TCF7L1: variants seen among roughly 807,000 people sequenced by gnomAD.
TCF7L1 encodes transcription factor 7-like 1.
A neutral mutation model predicts 63.7 loss-of-function variants in TCF7L1; 18 were observed. That is an observed-to-expected ratio of 0.28 (90% confidence interval 0.20 to 0.42). The LOEUF (loss-of-function observed/expected upper bound fraction) is 0.42, where lower values mean the gene tolerates loss of function less well. TCF7L1 is among the 10% of genes least tolerant of loss of function. TCF7L1 has a pLI of 1.00. For missense variants in TCF7L1, 654 were observed against 779.3 expected (o/e 0.84, Z 1.91); for synonymous variants, 355 against 340.9 (o/e 1.04, Z -0.46).
chr2:85,146,304 C>G (rs945517155), intron 3 of TCF7L1, among the ~76,000 whole-genome samples: 2 of 152,070 alleles, frequency 1.3e-5, no homozygotes, highest in African/African-American at 2.4e-5. Context: ...AGCCAGCATT[C>G]CAGCTGTGGG....
At chr2:85,275,491 T>C (rs1681249957) in intron 3 of TCF7L1, among the ~76,000 whole-genome samples, 1 of 152,186 alleles carries the variant, frequency 6.6e-6, no homozygotes, top group South Asian at 2.1e-4. Flanking sequence ...TGACACACTC[T>C]TACTTTTGAG....
intron 7 of TCF7L1, among the ~76,000 whole-genome samples, chr2:85,304,672 A>T (rs1259103447): frequency 6.6e-6 from 1 of 152,156 alleles, no homozygotes; most frequent in Non-Finnish European, 1.5e-5. Flanking sequence ...GTACATTGAA[A>T]ACACAACTTT....
intron 3 of TCF7L1, among the ~76,000 whole-genome samples, chr2:85,220,275 G>A (rs901112684): frequency 6.6e-6 from 1 of 151,808 alleles, no homozygotes; most frequent in Non-Finnish European, 1.5e-5. Flanking sequence ...AAAGAGGTGG[G>A]GAGCTCTAGA....
chr2:85,308,236 C>T (rs896654231), intron 11 of TCF7L1, among the ~76,000 whole-genome samples: 6 of 152,160 alleles, frequency 3.9e-5, no homozygotes, highest in Non-Finnish European at 7.3e-5. Context: ...GATGCTCACA[C>T]TGTGACGATT....
intron 3 of TCF7L1, among the ~76,000 whole-genome samples, chr2:85,218,547 C>T (rs1235996614): frequency 4.6e-5 from 7 of 152,104 alleles, no homozygotes; most frequent in Admixed American, 2.0e-4. Flanking sequence ...TGAGCTACCA[C>T]GCCCAGCGTT....
chr2:85,175,407 G>C (rs1042361138), intron 3 of TCF7L1, among the ~76,000 whole-genome samples: 1 of 152,240 alleles, frequency 6.6e-6, no homozygotes, highest in African/African-American at 2.4e-5. Flanking sequence ...GATAGTAACA[G>C]GTGCCTGGCC....
chr2:85,156,800 T>C (rs1479191230), intron 3 of TCF7L1, among the ~76,000 whole-genome samples: 2 of 152,236 alleles, frequency 1.3e-5, no homozygotes, highest in Non-Finnish European at 2.9e-5. Context: ...TGCACATGTG[T>C]GCATGATGAA....
At chr2:85,195,926 G>A (rs1679145515) in intron 3 of TCF7L1, among the ~76,000 whole-genome samples, 1 of 152,178 alleles carries the variant, frequency 6.6e-6, no homozygotes, top group Non-Finnish European at 1.5e-5. Flanking sequence ...TTGAGCAGTA[G>A]GTATCAGCTG....
chr2:85,199,282 C>T (rs1245439051), intron 3 of TCF7L1, among the ~76,000 whole-genome samples: 5 of 152,110 alleles, frequency 3.3e-5, no homozygotes, highest in Admixed American at 2.6e-4. Flanking sequence ...ATTTAAGATT[C>T]TCTGTCTATA....
chr2:85,188,091 G>A (rs575374187), intron 3 of TCF7L1, among the ~76,000 whole-genome samples: 5 of 152,302 alleles, frequency 3.3e-5, no homozygotes, highest in East Asian at 1.9e-4. Flanking sequence ...AAATTATAGC[G>A]AGGGGGAACA....
intron 3 of TCF7L1, among the ~76,000 whole-genome samples, chr2:85,146,413 A>C (rs1677880059): frequency 6.6e-6 from 1 of 152,188 alleles, no homozygotes; most frequent in Non-Finnish European, 1.5e-5. Flanking sequence ...CAAGATTCAA[A>C]GAAATGGTGT....
chr2:85,285,736 T>C (rs1032394132), intron 4 of TCF7L1, among the ~76,000 whole-genome samples: 1 of 152,288 alleles, frequency 6.6e-6, no homozygotes, highest in Non-Finnish European at 1.5e-5. Flanking sequence ...CTCCCCCCAG[T>C]GCAGCCATCT....
At chr2:85,191,352 G>C (rs552890838) in intron 3 of TCF7L1, among the ~76,000 whole-genome samples, 2 of 152,300 alleles carry the variant, frequency 1.3e-5, no homozygotes, top group South Asian at 4.1e-4. Context: ...TCTTCTGTTA[G>C]GCACAGGTGC....
chr2:85,280,886 C>T (rs1287745397), intron 3 of TCF7L1, among the ~76,000 whole-genome samples: 2 of 152,094 alleles, frequency 1.3e-5, no homozygotes, highest in Non-Finnish European at 2.9e-5. Context: ...TTGAGGAAGA[C>T]AGTCTTAGGA....
At chr2:85,252,467 G>A (rs997874370) in intron 3 of TCF7L1, among the ~76,000 whole-genome samples, 1 of 152,038 alleles carries the variant, frequency 6.6e-6, no homozygotes, top group Non-Finnish European at 1.5e-5. Context: ...CCCAAGCCTC[G>A]GTGTGACCCA....
chr2:85,285,101 C>A (rs1051473168), intron 4 of TCF7L1, among the ~76,000 whole-genome samples: 1 of 152,022 alleles, frequency 6.6e-6, no homozygotes, highest in Non-Finnish European at 1.5e-5. Flanking sequence ...GGCGTGGTGG[C>A]GGGCGCCTGT....
chr2:85,151,369 T>C (rs182932039), intron 3 of TCF7L1, among the ~76,000 whole-genome samples: 60 of 152,344 alleles, frequency 3.9e-4, no homozygotes, highest in South Asian at 8.3e-4. Context: ...ATTTAGATTT[T>C]TGGTCAAGAT....
Position 85,134,312 on chromosome 2 carries a change from C to G in TCF7L1, c.314-11C>G, listed in dbSNP as rs367976556. 188 of 1,578,546 alleles carry G rather than the reference C, an allele frequency of 1.2e-4. No individual in the cohort carries two copies. Among genetic ancestry groups the G allele is most frequent in the Non-Finnish European group, 1.6e-4 (185 of 1,161,608 alleles). On this transcript the variant is annotated splice_polypyrimidine_tract_variant and intron_variant, in intron 2 of 11. Coordinates refer to ENST00000282111, the MANE Select transcript of TCF7L1 (RefSeq NM_031283.3). The surrounding 1 kb of genome is among the most constrained non-coding windows in gnomAD (Gnocchi z 5.0). ...GGCCTGGGCCTCACCTCGCCTTGGTCTTGTTCGCAGTGAGAAGGCCTCAGG... is the reference window on the plus strand; with the variant it reads ...GGCCTGGGCCTCACCTCGCCTTGGTGTTGTTCGCAGTGAGAAGGCCTCAGG...
intron 3 of TCF7L1, among the ~76,000 whole-genome samples, chr2:85,169,206 A>G (rs1395968029): frequency 6.6e-6 from 1 of 152,032 alleles, no homozygotes; most frequent in Non-Finnish European, 1.5e-5. Flanking sequence ...CCTTCTCATC[A>G]GTCCTTCATT....
Sources: gnomAD v4.1 joint callset for allele counts (sites outside exome capture counted in the v4.1 genomes callset) on GRCh38, gnomAD v4.1.1 for gene constraint, Gnocchi (gnomAD v3.1) non-coding constraint, MANE v1.5 for transcripts, NCBI Gene and HGNC (gene_info 2026-07-23, HGNC 2026-07-21) for gene names.